The following HERC2 variants were observed in gnomAD, a reference collection of about 807,000 sequenced individuals.
HERC2 encodes the protein E3 ubiquitin-protein ligase HERC2.
Under a neutral mutation model 537.7 loss-of-function variants are expected in HERC2, and 102 were observed. The ratio of observed to expected loss-of-function variants is 0.19; its 90% CI spans 0.16 to 0.22. HERC2 has a LOEUF of 0.22. Ranked by LOEUF, HERC2 falls within the 10% of genes least tolerant of loss-of-function variation. The probability of loss-of-function intolerance (pLI) is 1.00; values close to 1 mark genes in which losing one functional copy is unlikely to be tolerated. For missense variants in HERC2, 4,236 were observed against 6,198.2 expected (o/e 0.68, Z 10.63); for synonymous variants, 2,224 against 2,466.2 (o/e 0.90, Z 2.91).
At chr15:28,143,026 CA>C in intron 74 of HERC2, 74 bp from the exon 75 acceptor site, 1 of 1,401,612 alleles carries the variant, frequency 7.1e-7, no homozygotes, top group Admixed American at 2.0e-5. Flanking sequence ...TTTCTACCGT[CA>C]AATGTTTTAT....
chr15:28,138,604 C>CA (rs1451390999), intron 78 of HERC2, among the ~76,000 whole-genome samples: 2 of 152,226 alleles, frequency 1.3e-5, no homozygotes, highest in African/African-American at 4.8e-5. Flanking sequence ...AGATTTCTTT[C>CA]AAAACATTAC....
intron 48 of HERC2, among the ~76,000 whole-genome samples, chr15:28,199,706 C>T (rs530036559): frequency 6.6e-6 from 1 of 152,290 alleles, no homozygotes; most frequent in South Asian, 2.1e-4. Flanking sequence ...ACCTAACCCA[C>T]CCAACCCTGC....
intron 20 of HERC2, among the ~76,000 whole-genome samples, chr15:28,254,102 G>A (rs1400889215): frequency 6.6e-6 from 1 of 152,018 alleles, no homozygotes; most frequent in African/African-American, 2.4e-5. Context: ...TGACCACCAT[G>A]AAGAAACCCC....
At chr15:28,195,075 A>T (rs1173042453) in intron 52 of HERC2, among the ~76,000 whole-genome samples, 3 of 151,852 alleles carry the variant, frequency 2.0e-5, no homozygotes. Context: ...AAAAATTAAA[A>T]TATGTTAAGA....
At chr15:28,142,486 C>T in intron 75 of HERC2, 93 bp from the exon 76 acceptor site, 1 of 1,308,852 alleles carries the variant, frequency 7.6e-7, no homozygotes. Context: ...ACCTCCTATT[C>T]CAGGATGACG....
At chr15:28,156,358 T>C (rs952505417) in intron 69 of HERC2, among the ~76,000 whole-genome samples, 1 of 152,238 alleles carries the variant, frequency 6.6e-6, no homozygotes, top group Non-Finnish European at 1.5e-5. Flanking sequence ...TTGGGCAGTA[T>C]GGCCATTTTC....
intron 19 of HERC2, 55 bp downstream of exon 19, chr15:28,255,817 G>A (rs1211734340): frequency 6.4e-7 from 1 of 1,557,316 alleles, no homozygotes; most frequent in Non-Finnish European, 8.7e-7. Flanking sequence ...GTGTGTGAGT[G>A]TGGTATTTCT....
At chr15:28,183,063 T>C (rs1483804455) in intron 56 of HERC2, among the ~76,000 whole-genome samples, 1 of 152,208 alleles carries the variant, frequency 6.6e-6, no homozygotes, top group Non-Finnish European at 1.5e-5. Context: ...TCTTCCTTTA[T>C]ACCCTCTGCC....
intron 79 of HERC2, among the ~76,000 whole-genome samples, chr15:28,135,190 G>A (rs1479098655): frequency 1.3e-5 from 2 of 152,086 alleles, no homozygotes; most frequent in Non-Finnish European, 1.5e-5. Context: ...AATGCCAAAC[G>A]TGATTCAGTG....
chr15:28,242,070 A>T (rs1256340196), intron 23 of HERC2, among the ~76,000 whole-genome samples: 1 of 152,240 alleles, frequency 6.6e-6, no homozygotes, highest in Admixed American at 6.5e-5. Flanking sequence ...CAATCCCAAA[A>T]GGATAAATAC....
intron 23 of HERC2, among the ~76,000 whole-genome samples, chr15:28,245,582 C>A (rs1903603750): frequency 6.8e-6 from 1 of 147,998 alleles, no homozygotes; most frequent in Non-Finnish European, 1.5e-5. Context: ...CACACACACA[C>A]ACACACACAC....
At chr15:28,273,410 G>C (rs7496786) in intron 7 of HERC2, among the ~76,000 whole-genome samples, 1 of 152,252 alleles carries the variant, frequency 6.6e-6, no homozygotes, top group Admixed American at 6.5e-5. Flanking sequence ...TTAGAATCTG[G>C]AGGCAAAATG....
intron 30 of HERC2, 137 bp downstream of exon 30, chr15:28,233,009 G>C: frequency 4.5e-6 from 3 of 670,762 alleles, no homozygotes; most frequent in Admixed American, 2.9e-5. Context: ...AATCGTAACT[G>C]TAATAAAAAT....
intron 2 of HERC2, among the ~76,000 whole-genome samples, chr15:28,320,964 T>A (rs2077213378): frequency 6.6e-6 from 1 of 151,742 alleles, no homozygotes; most frequent in Non-Finnish European, 1.5e-5. Context: ...TGAGTGAGTT[T>A]CTATAGGCCA....
chr15:28,280,088 C>G lies in HERC2; in HGVS notation c.522G>C (p.Leu174=). The G allele has an allele frequency of 6.2e-7, 1 of 1,613,660 alleles. No individual in the cohort carries two copies. The highest frequency in any genetic ancestry group is 1.3e-5 in the African/African-American group (1 of 75,024). ...KVKWKSSGIS[L]PPVDKKSSRP... ...GTTACCTTTTTTTGTCCACAGGAGGCAGAGAAATACCGCTGCTTTTCCACT... is the reference window on the plus strand; with the variant it reads ...GTTACCTTTTTTTGTCCACAGGAGGGAGAGAAATACCGCTGCTTTTCCACT... Residue 174 remains leucine (L), a synonymous_variant, in exon 5 of 93, where the codon CTG becomes CTC. Transcript: ENST00000261609.
At chr15:28,281,474 T>C (rs1390236703) in intron 4 of HERC2, among the ~76,000 whole-genome samples, 1 of 152,096 alleles carries the variant, frequency 6.6e-6, no homozygotes, top group African/African-American at 2.4e-5. Context: ...TCACAGGTAA[T>C]AGCAACACCC....
chr15:28,164,042 C>T (rs77042691), intron 68 of HERC2, among the ~76,000 whole-genome samples: 6,530 of 152,222 alleles, frequency 0.043, 439 homozygotes, highest in African/African-American at 0.15. Context: ...CTTGTGGAAA[C>T]GGGAAAGGCC....
intron 59 of HERC2, 72 bp downstream of exon 59, chr15:28,178,815 T>C: frequency 1.4e-6 from 2 of 1,478,080 alleles, no homozygotes; most frequent in Non-Finnish European, 1.8e-6. Flanking sequence ...AGGACACCAA[T>C]TAGGGCTTTG....
intron 38 of HERC2, among the ~76,000 whole-genome samples, chr15:28,216,620 TCACA>T (rs778423594): frequency 8.7e-5 from 13 of 149,328 alleles, no homozygotes; most frequent in African/African-American, 2.5e-4. Flanking sequence ...TCACATGCGC[TCACA>T]CACACACACT....
Sources: allele counts gnomAD v4.1 joint callset (sites outside exome capture counted in the v4.1 genomes callset), GRCh38; gene constraint gnomAD v4.1.1; transcripts MANE v1.5; gene names NCBI Gene and HGNC (gene_info 2026-07-23, HGNC 2026-07-21).